VILL: variants seen among roughly 807,000 people sequenced by gnomAD.
The protein encoded by VILL is villin-like protein.
Under a neutral mutation model 106.3 loss-of-function variants are expected in VILL, and 102 were observed. That is an observed-to-expected ratio of 0.96 (90% CI 0.82 to 1.13). The LOEUF (loss-of-function observed/expected upper bound fraction) is 1.13. VILL is among the 50% of genes most tolerant of loss of function. The pLI, the probability that VILL is intolerant of heterozygous loss-of-function variation, is 0.00. For missense variants in VILL, 1,076 were observed against 1,116.6 expected (o/e 0.96, Z 0.52); for synonymous variants, 431 against 440.3 (o/e 0.98, Z 0.27).
intron 2 of VILL, 51 bp from the exon 3 acceptor site, chr3:37,993,847 T>C: frequency 6.2e-7 from 1 of 1,609,508 alleles, no homozygotes; most frequent in Admixed American, 1.7e-5. Flanking sequence ...CCCCAGCGGG[T>C]GTCATGGGTA....
chr3:37,999,586 A>G, intron 11 of VILL, 147 bp downstream of exon 11: 2 of 561,686 alleles, frequency 3.6e-6, no homozygotes, highest in East Asian at 6.8e-5. Context: ...ACATTTACAT[A>G]CTCTCCTAGC....
At chr3:37,991,264 A>C (rs564913663) in intron 1 of VILL, 1 of 153,510 alleles carries the variant, frequency 6.5e-6, no homozygotes, top group African/African-American at 2.4e-5. Context: ...GAAAGCGAGG[A>C]GAGAGGAGGC....
chr3:37,998,440 G>C lies in VILL; in HGVS notation c.942+76G>C. ...GAGTGGGGAGGCAGCTCCGCCCCAG[G>C]GTCTAAGGGAGGAATCAGCCCTCCC... On this transcript the variant is annotated intron_variant, in intron 9 of 19. Coordinates refer to ENST00000383759, the MANE Select transcript of VILL (RefSeq NM_015873.4). This position sits in a 1 kb window ranked among gnomAD's most constrained non-coding sequence, Gnocchi z 4.1. 1.5e-6 allele frequency: 2 copies of C among 1,365,230 alleles called. No homozygotes were observed. Among genetic ancestry groups the C allele is most frequent in the Non-Finnish European group, 2.1e-6 (2 of 966,740 alleles). 84.6% of individuals were successfully genotyped at this position (1,365,230 alleles called of 1,614,324 possible). A position where few individuals can be genotyped will look rare whatever the true frequency, so the allele number is the denominator to read the frequency against.
In VILL at chr3:37,997,250, A is replaced by AC. The variant is rs1452062371; in HGVS notation, c.561+65dup. On this transcript the variant is annotated intron_variant, in intron 6 of 19. Transcript: ENST00000383759. The surrounding 1 kb of genome is among the most constrained non-coding windows in gnomAD (Gnocchi z 4.7). ...TGGGCGGGGAATGATCCTCCAGTTGACCATCCTCCGGCCACCCAAAGAGTT... is the reference window on the plus strand; with the variant it reads ...TGGGCGGGGAATGATCCTCCAGTTGACCCATCCTCCGGCCACCCAAAGAGTT... 7.8e-6 allele frequency: 12 copies of AC among 1,539,068 alleles called. No homozygotes were observed. Among genetic ancestry groups the AC allele is most frequent in the African/African-American group, 1.4e-5 (1 of 73,392 alleles).
At chr3:38,006,876 AGT>A (rs1699941368) in intron 19 of VILL, 64 bp from the exon 20 acceptor site, 2 of 1,529,892 alleles carry the variant, frequency 1.3e-6, no homozygotes, top group African/African-American at 2.7e-5. Flanking sequence ...GACACTACTG[AGT>A]GGGGCAGGAT....
rs60992402 is a variant in VILL at position 38,006,565 on chromosome 3, C to G, written c.2322C>G (p.Pro774=). Residue 774 remains proline, a synonymous_variant, in exon 19 of 20, where the codon CCC becomes CCG. Transcript: ENST00000383759. ...DSSENDLVRS[P]KSAGSRTSSS... ...CAGAGAATGATCTGGTGCGAAGCCCCAAGTCGGCTGGCAGCAGAACCAGCA... is the reference window on the plus strand; with the variant it reads ...CAGAGAATGATCTGGTGCGAAGCCCGAAGTCGGCTGGCAGCAGAACCAGCA... 1.1e-3 allele frequency: 1,704 copies of G among 1,614,176 alleles called. 15 individuals carry two copies. The African/African-American group carries it at 0.021, about 20-fold the overall frequency.
At chr3:38,001,938 AC>A in intron 13 of VILL, 78 bp downstream of exon 13, 1 of 1,598,198 alleles carries the variant, frequency 6.3e-7, no homozygotes. Context: ...ACTTCTAAGC[AC>A]CTTCTCTTTG....
At chr3:37,995,575 G>T (rs1164124211) in intron 4 of VILL, among the ~76,000 whole-genome samples, 164 bp from the exon 5 acceptor site, 2 of 152,256 alleles carry the variant, frequency 1.3e-5, no homozygotes, top group African/African-American at 2.4e-5. Context: ...TGCCCTATGT[G>T]TGCACCCATG....
upstream of VILL, among the ~76,000 whole-genome samples, chr3:37,989,140 T>C (rs1037381537): frequency 4.6e-5 from 7 of 152,068 alleles, no homozygotes; most frequent in Non-Finnish European, 8.8e-5. Flanking sequence ...GGCCAGTGGC[T>C]TGCGGGAGAG....
Position 37,995,833 on chromosome 3 carries a change from G to A in VILL, c.436G>A (p.Val146Met), listed in dbSNP as rs150800985. Reference protein sequence around the residue: ...RLLHIKGRKHVSATEVELSWN... With the variant: ...RLLHIKGRKHMSATEVELSWN... The stretch of plus-strand genomic sequence containing the variant: ...GCTGCACATCAAAGGGAGGAAGCAC[G>A]TGTCTGCCACTGAGGTGAGGCTGCC... Residue 146 changes from valine (V) to methionine (M), a missense_variant, in exon 5 of 20, where the codon GTG becomes ATG. Coordinates refer to ENST00000383759, the MANE Select transcript of VILL (RefSeq NM_015873.4). 2.9e-5 allele frequency: 47 copies of A among 1,613,430 alleles called. No individual in the cohort carries two copies. The highest frequency in any genetic ancestry group is 2.3e-4 in the Admixed American group (14 of 59,998).
Position 37,998,855 on chromosome 3 carries a change from CGGCAGTGG to C in VILL, c.943-48_943-41del. Reference sequence around the variant, plus strand: ...TCCCAGAGCGGTAGGTCCCCAGGAGCGGCAGTGGGGCAGTGGACTCTCAGGGTCGCAGG... The same window carrying C: ...TCCCAGAGCGGTAGGTCCCCAGGAGCGGCAGTGGACTCTCAGGGTCGCAGG... On this transcript the variant is annotated intron_variant, in intron 9 of 19. Transcript: ENST00000383759. The surrounding 1 kb of genome is among the most constrained non-coding windows in gnomAD (Gnocchi z 4.1). 1 of 1,546,226 alleles carries C rather than the reference CGGCAGTGG, an allele frequency of 6.5e-7. No homozygotes were observed. Among genetic ancestry groups the C allele is most frequent in the Non-Finnish European group, 8.8e-7 (1 of 1,139,104 alleles).
At position 38,004,147 on chromosome 3, in the gene VILL, G is replaced by T. The variant is rs1250261245; in HGVS notation, c.1806-108G>T. The stretch of plus-strand genomic sequence containing the variant: ...CACGGGGCTCAGAGGAGGGCCCAGG[G>T]CTCCCACTCCTGAGAAGTGGCTTCC... On this transcript the variant is annotated intron_variant, in intron 15 of 19. Coordinates refer to ENST00000383759, the MANE Select transcript of VILL (RefSeq NM_015873.4). 7.5e-6 allele frequency: 11 copies of T among 1,458,682 alleles called. No individual in the cohort carries two copies. In the Admixed American group the frequency reaches 2.2e-4, roughly 29 times the overall value. 90.4% of individuals were successfully genotyped at this position (1,458,682 alleles called of 1,614,324 possible).
At chr3:37,990,194 G>A (rs1699592495), upstream of VILL, among the ~76,000 whole-genome samples, 2 of 152,224 alleles carry the variant, frequency 1.3e-5, no homozygotes, top group African/African-American at 2.4e-5. This position sits in a 1 kb window ranked among gnomAD's most constrained non-coding sequence, Gnocchi z 5.1. Context: ...TGAGGGAGAG[G>A]TGTCTTCGCT....
At chr3:37,993,358 T>C in intron 1 of VILL, 14 of 344,624 alleles carry the variant, frequency 4.1e-5, no homozygotes, top group Admixed American at 1.4e-4. Flanking sequence ...AGGTGGAGGT[T>C]GCAGTGAAGT....
chr3:37,989,210 G>A (rs968137281), upstream of VILL, among the ~76,000 whole-genome samples: 5 of 152,186 alleles, frequency 3.3e-5, no homozygotes, highest in Non-Finnish European at 5.9e-5. Flanking sequence ...CACACTGAAC[G>A]TGTTCCTGGG....
Position 37,997,972 on chromosome 3 carries a change from G to A in VILL, c.765-118G>A, listed in dbSNP as rs1360147700. 2.7e-6 allele frequency: 3 copies of A among 1,120,228 alleles called. No individual in the cohort carries two copies. The highest frequency in any genetic ancestry group is 1.6e-5 in the South Asian group (1 of 63,636). 69.4% of individuals were successfully genotyped at this position (1,120,228 alleles called of 1,614,324 possible). A position where few individuals can be genotyped will look rare whatever the true frequency, so the allele number is the denominator to read the frequency against. On this transcript the variant is annotated intron_variant, in intron 7 of 19. Transcript: ENST00000383759. The surrounding 1 kb of genome is among the most constrained non-coding windows in gnomAD (Gnocchi z 4.7). ...GTAAAAGTGAAGACTACAACTCGGG[G>A]CCCCAGCCCCCATGCCTTCTGTCTC... is the stretch of plus-strand genomic sequence containing the variant.
chr3:37,990,545 C>T (rs1323528217), upstream of VILL, among the ~76,000 whole-genome samples: 6 of 152,208 alleles, frequency 3.9e-5, no homozygotes, highest in African/African-American at 1.4e-4. The surrounding 1 kb of genome is among the most constrained non-coding windows in gnomAD (Gnocchi z 5.1). Context: ...GGCCTCCATC[C>T]CCTGCTCTCT....
chr3:38,002,115 C>T (rs1699829334), intron 13 of VILL: 1 of 662,680 alleles, frequency 1.5e-6, no homozygotes. Context: ...CACTAGCAAA[C>T]CTGGTCCCCA....
At chr3:37,995,607 A>T in intron 4 of VILL, 132 bp from the exon 5 acceptor site, 2 of 689,140 alleles carry the variant, frequency 2.9e-6, no homozygotes, top group Admixed American at 4.3e-5. Context: ...ACATGTGTTC[A>T]CACAGACTCC....
Sources: gnomAD v4.1 joint callset for allele counts (sites outside exome capture counted in the v4.1 genomes callset) on GRCh38, gnomAD v4.1.1 for gene constraint, Gnocchi (gnomAD v3.1) non-coding constraint, MANE v1.5 for transcripts, NCBI Gene and HGNC (gene_info 2026-07-23, HGNC 2026-07-21) for gene names.